Variants in PTPN13 observed in about 807,000 individuals in gnomAD.
PTPN13 encodes the protein tyrosine-protein phosphatase non-receptor type 13.
In PTPN13, 191 loss-of-function variants were observed where a neutral mutation model predicts 284.0. The observed-to-expected ratio is 0.67, with a 90% CI of 0.60 to 0.76. The LOEUF is 0.76. Ranked by LOEUF, PTPN13 falls within the 30% of genes least tolerant of loss-of-function variation. The pLI is 0.00. For missense variants in PTPN13, 2,797 were observed against 2,939.9 expected (o/e 0.95, Z 1.12); for synonymous variants, 986 against 1,022.3 (o/e 0.96, Z 0.68).
At chr4:86,810,891 G>A (rs189262613) in intron 46 of PTPN13, among the ~76,000 whole-genome samples, 155 bp from the exon 47 acceptor site, 5 of 152,272 alleles carry the variant, frequency 3.3e-5, no homozygotes, top group Non-Finnish European at 5.9e-5. Context: ...AAGTCCATTC[G>A]CCAAGTCATT....
intron 23 of PTPN13, 63 bp downstream of exon 23, chr4:86,759,136 G>A (rs1276180604): frequency 1.3e-6 from 2 of 1,526,894 alleles, no homozygotes; most frequent in African/African-American, 2.7e-5. Context: ...CCTTTTTAGT[G>A]ATATTCGCAC....
chr4:86,638,050 C>G (rs1435254217), intron 2 of PTPN13, among the ~76,000 whole-genome samples: 1 of 151,912 alleles, frequency 6.6e-6, no homozygotes, highest in Non-Finnish European at 1.5e-5. Context: ...AAACAGAGAG[C>G]CAAATCATGA....
At chr4:86,703,971 G>A (rs989606311) in intron 7 of PTPN13, among the ~76,000 whole-genome samples, 10 of 151,524 alleles carry the variant, frequency 6.6e-5, no homozygotes, top group African/African-American at 1.9e-4. Context: ...TCGGGAGTTC[G>A]AGACCAGCCT....
chr4:86,793,469 T>A (rs982890142), intron 40 of PTPN13, among the ~76,000 whole-genome samples: 10 of 152,136 alleles, frequency 6.6e-5, no homozygotes, highest in African/African-American at 2.4e-4. Context: ...AACAGGGATA[T>A]CCAGGACTTG....
rs142876680 is a variant in PTPN13 at position 86,777,328 on chromosome 4, T to C, written c.5891+1676T>C. On this transcript the variant is annotated intron_variant, in intron 35 of 47. Coordinates refer to ENST00000411767, the MANE Select transcript of PTPN13 (RefSeq NM_080683.3). Reference sequence around the variant, plus strand: ...CACCTTGGTTTATGGCTCACTTCCATCTTCAAAGCTAGGAACTGCAGCACC... The same window carrying C: ...CACCTTGGTTTATGGCTCACTTCCACCTTCAAAGCTAGGAACTGCAGCACC... Among the ~76,000 whole-genome samples, 212 of 152,240 alleles carry C rather than the reference T, an allele frequency of 1.4e-3. 2 individuals carry two copies. Among genetic ancestry groups the C allele is most frequent in the African/African-American group, 4.9e-3 (203 of 41,552 alleles).
chr4:86,791,913 A>G (rs1742723123), intron 40 of PTPN13, among the ~76,000 whole-genome samples: 1 of 152,224 alleles, frequency 6.6e-6, no homozygotes, highest in African/African-American at 2.4e-5. Flanking sequence ...CCAGAGCAGA[A>G]AAGCAGAAAA....
At chr4:86,664,090 T>TA (rs914768269) in intron 2 of PTPN13, among the ~76,000 whole-genome samples, 1 of 152,148 alleles carries the variant, frequency 6.6e-6, no homozygotes, top group Non-Finnish European at 1.5e-5. Context: ...GGAAACTTTT[T>TA]AAAAATACTG....
intron 15 of PTPN13, among the ~76,000 whole-genome samples, chr4:86,740,377 A>C (rs1184354987): frequency 1.3e-5 from 2 of 152,160 alleles, no homozygotes; most frequent in Non-Finnish European, 2.9e-5. Context: ...GCTCAACACC[A>C]TGTGGAAGCT....
intron 2 of PTPN13, among the ~76,000 whole-genome samples, chr4:86,658,736 A>G (rs1469544840): frequency 5.9e-5 from 9 of 152,182 alleles, no homozygotes; most frequent in Admixed American, 2.0e-4. Context: ...ATGAAGATAT[A>G]ATAGTTGATA....
chr4:86,797,318 C>G (rs1460279298), intron 41 of PTPN13, among the ~76,000 whole-genome samples: 2 of 151,890 alleles, frequency 1.3e-5, no homozygotes, highest in Non-Finnish European at 2.9e-5. Context: ...ATGGTGAAAC[C>G]CTGCCTCTAC....
intron 28 of PTPN13, 55 bp from the exon 29 acceptor site, chr4:86,769,714 A>G (rs1448678227): frequency 8.7e-6 from 10 of 1,155,660 alleles, no homozygotes; most frequent in South Asian, 1.5e-5. Flanking sequence ...GTATGTTCCT[A>G]TGTAAACACA....
intron 1 of PTPN13, among the ~76,000 whole-genome samples, chr4:86,620,728 TAAC>T (rs909079957): frequency 3.9e-5 from 6 of 152,230 alleles, no homozygotes; most frequent in Non-Finnish European, 5.9e-5. Context: ...TTTTCTAACT[TAAC>T]AAAGGAAATA....
At chr4:86,781,038 C>T (rs932769641) in intron 36 of PTPN13, among the ~76,000 whole-genome samples, 1 of 152,054 alleles carries the variant, frequency 6.6e-6, no homozygotes, top group Non-Finnish European at 1.5e-5. Context: ...TGTTTTGAAC[C>T]GGTGGTGTAT....
At chr4:86,711,906 C>T in intron 7 of PTPN13, among the ~76,000 whole-genome samples, 1 of 152,104 alleles carries the variant, frequency 6.6e-6, no homozygotes, top group Non-Finnish European at 1.5e-5. Context: ...AGGTCCATTG[C>T]ACATGATTCA....
Position 86,765,505 on chromosome 4 carries a change from A to T in PTPN13, c.4243+17A>T. On this transcript the variant is annotated intron_variant, in intron 26 of 47. Coordinates refer to ENST00000411767, the MANE Select transcript of PTPN13 (RefSeq NM_080683.3). ...TTCACAAAGGTATAGTGTTTATATT[A>T]TGTGGGAATTATATGTATGAATATT... 1 of 1,513,384 alleles carries T rather than the reference A, an allele frequency of 6.6e-7. No individual in the cohort carries two copies. Among genetic ancestry groups the T allele is most frequent in the African/African-American group, 1.4e-5 (1 of 72,466 alleles). 93.7% of individuals were successfully genotyped at this position (1,513,384 alleles called of 1,614,324 possible). A position where few individuals can be genotyped will look rare whatever the true frequency, so the allele number is the denominator to read the frequency against.
At chr4:86,687,748 T>C (rs1729599987) in intron 4 of PTPN13, among the ~76,000 whole-genome samples, 1 of 152,114 alleles carries the variant, frequency 6.6e-6, no homozygotes, top group African/African-American at 2.4e-5. Context: ...TTATGCAACC[T>C]AACTTGTAAA....
chr4:86,634,259 A>G (rs1014279815), intron 1 of PTPN13, among the ~76,000 whole-genome samples: 3 of 152,166 alleles, frequency 2.0e-5, no homozygotes, highest in African/African-American at 7.2e-5. Context: ...GAAATATACT[A>G]TATATGTTAT....
Position 86,687,275 on chromosome 4 carries a change from T to C in PTPN13, c.360+500T>C, listed in dbSNP as rs11938746. ...ATCGTACATCATACTTCACGACCCC[T>C]GTAACAGCAGACACAGGTATTAAAG... is the stretch of plus-strand genomic sequence containing the variant. On this transcript the variant is annotated intron_variant, in intron 4 of 47. Transcript: ENST00000411767. 5.6e-3 allele frequency among the ~76,000 whole-genome samples: 859 copies of C among 152,318 alleles called. 6 individuals are homozygous for C. The highest frequency in any genetic ancestry group is 0.018 in the African/African-American group (763 of 41,576).
At chr4:86,686,593 T>A in intron 3 of PTPN13, 117 bp from the exon 4 acceptor site, 1 of 693,048 alleles carries the variant, frequency 1.4e-6, no homozygotes, top group Non-Finnish European at 2.4e-6. Flanking sequence ...AAAATGATGA[T>A]TTTCTCAAAT....
Sources: gnomAD v4.1 joint callset for allele counts (sites outside exome capture counted in the v4.1 genomes callset) on GRCh38, gnomAD v4.1.1 for gene constraint, MANE v1.5 for transcripts, NCBI Gene and HGNC (gene_info 2026-07-23, HGNC 2026-07-21) for gene names.